Variants in SSPN observed in about 807,000 individuals in gnomAD.
SSPN encodes the protein sarcospan.
SSPN carries 15 observed loss-of-function variants against 19.1 expected under a neutral mutation model. The observed-to-expected ratio is 0.78, with a 90% CI of 0.52 to 1.21. The LOEUF is 1.21. SSPN is among the 50% of genes most tolerant of loss of function. SSPN has a pLI of 0.00. For synonymous variants in SSPN, 147 were observed against 140.3 expected (o/e 1.05, Z -0.34); for missense variants, 291 against 314.0 (o/e 0.93, Z 0.55).
intron 1 of SSPN, among the ~76,000 whole-genome samples, chr12:26,171,950 A>T (rs944793743): frequency 6.6e-6 from 1 of 152,124 alleles, no homozygotes. Flanking sequence ...AAACATGCCA[A>T]CCTTAATTTT....
chr12:26,161,950 C>CT (rs1202547753), intron 1 of SSPN, among the ~76,000 whole-genome samples: 3 of 152,192 alleles, frequency 2.0e-5, no homozygotes, highest in African/African-American at 7.2e-5. Context: ...GGCCCAGTTC[C>CT]TAACTGGCCA....
chr12:26,207,567 AC>A (rs1944941813), intron 1 of SSPN, among the ~76,000 whole-genome samples: 1 of 152,178 alleles, frequency 6.6e-6, no homozygotes. Flanking sequence ...TATATCCATA[AC>A]CAACATGTCA....
At chr12:26,132,207 T>C (rs1467588889) in intron 1 of SSPN, among the ~76,000 whole-genome samples, 1 of 152,196 alleles carries the variant, frequency 6.6e-6, no homozygotes, top group Non-Finnish European at 1.5e-5. Flanking sequence ...GTTAGCTCAC[T>C]GAATAAAGCT....
chr12:26,178,715 C>T (rs557955738), intron 1 of SSPN, among the ~76,000 whole-genome samples: 5 of 152,264 alleles, frequency 3.3e-5, no homozygotes, highest in Admixed American at 1.3e-4. Context: ...TTGGATATGC[C>T]CTTGTGGTCA....
At chr12:26,135,516 C>T (rs1026430695) in intron 1 of SSPN, among the ~76,000 whole-genome samples, 1 of 152,014 alleles carries the variant, frequency 6.6e-6, no homozygotes, top group South Asian at 2.1e-4. Context: ...GGATGCGCTA[C>T]GAATGTGGAG....
intron 1 of SSPN, among the ~76,000 whole-genome samples, chr12:26,141,634 G>C (rs1435094726): frequency 6.6e-6 from 1 of 152,048 alleles, no homozygotes; most frequent in African/African-American, 2.4e-5. Flanking sequence ...TTTTTACTCT[G>C]TGCTTTATTT....
rs2137524253 is a variant in SSPN, at chr12:26,231,299, GATATTAA to G, written c.*225_*231del. ...AAAGCAAGATCCAAATTGATTTTGG[GATATTAA>G]AAGTTAACAGAACACTGAACAAGGA... On this transcript the variant is annotated 3_prime_UTR_variant, in exon 3 of 3. Coordinates refer to ENST00000242729, the MANE Select transcript of SSPN (RefSeq NM_005086.5). 1 of 616,838 alleles carries G rather than the reference GATATTAA, an allele frequency of 1.6e-6. No homozygotes were observed. Among genetic ancestry groups the G allele is most frequent in the African/African-American group, 1.9e-5 (1 of 53,390 alleles). The allele number at this position is 616,838 out of a possible 1,614,324, so 38.2% of individuals were successfully genotyped here. A position where few individuals can be genotyped will look rare whatever the true frequency, so the allele number is the denominator to read the frequency against.
chr12:26,122,925 C>T, intron 1 of SSPN: 1 of 1,550,948 alleles, frequency 6.4e-7, no homozygotes, highest in Non-Finnish European at 8.7e-7. Context: ...GGCCGCGGAC[C>T]CGGCGGCCGA....
At chr12:26,205,713 C>T (rs1370819073) in intron 1 of SSPN, among the ~76,000 whole-genome samples, 3 of 152,182 alleles carry the variant, frequency 2.0e-5, no homozygotes, top group Non-Finnish European at 4.4e-5. Context: ...AGAGGGCAAA[C>T]TCGGACTCCC....
At chr12:26,130,220 AC>A (rs1246929310) in intron 1 of SSPN, among the ~76,000 whole-genome samples, 1 of 152,150 alleles carries the variant, frequency 6.6e-6, no homozygotes, top group Middle Eastern at 3.2e-3. Context: ...TTCCTTTGTT[AC>A]TGCTGATGAA....
chr12:26,208,020 G>T lies in SSPN; in HGVS notation c.279+12069G>T, dbSNP rs926977637. On this transcript the variant is annotated intron_variant, in intron 1 of 2. Coordinates refer to ENST00000242729, the MANE Select transcript of SSPN (RefSeq NM_005086.5). Reference sequence around the variant, plus strand: ...GTCTCAAAAGAAAGTGGTGGTGGTGGGGGGGGGGGATATATAACAGTTAAT... The same window carrying T: ...GTCTCAAAAGAAAGTGGTGGTGGTGTGGGGGGGGGATATATAACAGTTAAT... Among the ~76,000 whole-genome samples, 59 of 43,374 alleles carry T rather than the reference G, an allele frequency of 1.4e-3. 1 individual carries two copies. The highest frequency in any genetic ancestry group is 5.1e-3 in the African/African-American group (57 of 11,104). The allele number at this position is 43,374 out of a possible 152,430, so 28.5% of individuals were successfully genotyped here.
Position 26,232,729 on chromosome 12 carries a change from T to TA in SSPN, c.*1657dup, listed in dbSNP as rs966478434. 84 of 983,730 alleles carry TA rather than the reference T, an allele frequency of 8.5e-5. No individual in the cohort carries two copies. The highest frequency in any genetic ancestry group is 9.7e-5 in the Non-Finnish European group (80 of 828,516). The allele number at this position is 983,730 out of a possible 1,614,324, so 60.9% of individuals were successfully genotyped here. ...GTAAATATCTTTTATGTCCTCTAGA[T>TA]AAAACACCCGATTAACAGATGTTAA... On this transcript the variant is annotated 3_prime_UTR_variant, in exon 3 of 3. Coordinates refer to ENST00000242729, the MANE Select transcript of SSPN (RefSeq NM_005086.5).
intron 1 of SSPN, among the ~76,000 whole-genome samples, chr12:26,170,345 G>A (rs546321286): frequency 3.3e-5 from 5 of 152,218 alleles, no homozygotes; most frequent in Non-Finnish European, 2.9e-5. Context: ...AGAATAAAGC[G>A]GAACTAAGAA....
rs34624361 is a variant in SSPN, at chr12:26,224,299, T to C, written c.286T>C (p.Leu96=). The C allele has an allele frequency of 0.074, 119,759 of 1,612,222 alleles. 4,744 individuals carry two copies. The highest frequency in any genetic ancestry group is 0.099 in the African/African-American group (7,424 of 75,002). The change falls in exon 2 of 3, where the codon TTA becomes CTA. Residue 96 remains leucine (L), a synonymous_variant. Transcript: ENST00000242729. ...TCTGTGTTCTCCCTTGCAGGTCTGC[T>C]TAGTGGCCTATCTTGGCTTGTTTAT... ...TPFWAGIIVC[L]VAYLGLFMLC...
rs536380709 is a variant in SSPN at position 26,230,362 on chromosome 12, C to T, written c.367-349C>T. On this transcript the variant is annotated intron_variant, in intron 2 of 2. Transcript: ENST00000242729. ...CAGAAGTTCTTGAGTTCAAAATAAG[C>T]ACAACATGTCATCCAGGGATGGCTA... Among the ~76,000 whole-genome samples, 16 of 152,284 alleles carry T rather than the reference C, an allele frequency of 1.1e-4. No homozygotes were observed. The South Asian group carries it at 3.1e-3, about 30-fold the overall frequency.
chr12:26,196,382 G>C (rs1334963926), intron 1 of SSPN, among the ~76,000 whole-genome samples: 1 of 152,206 alleles, frequency 6.6e-6, no homozygotes. Flanking sequence ...GAGAAAGCCT[G>C]TACTTGGAGT....
chr12:26,230,506 T>A (rs1945218454), intron 2 of SSPN, among the ~76,000 whole-genome samples: 1 of 152,152 alleles, frequency 6.6e-6, no homozygotes, highest in African/African-American at 2.4e-5. Flanking sequence ...CAAGTGAAAA[T>A]GTGATCAGGG....
Position 26,230,787 on chromosome 12 carries a change from C to A in SSPN, c.443C>A (p.Ser148Ter). The A allele has an allele frequency of 1.2e-6, 2 of 1,614,216 alleles. No homozygotes were observed. The highest frequency in any genetic ancestry group is 1.7e-6 in the Non-Finnish European group (2 of 1,180,052). The change falls in exon 3 of 3, where the codon TCG becomes TAG. Residue 148 changes from serine to a stop codon, truncating the protein, a stop_gained. Coordinates refer to ENST00000242729, the MANE Select transcript of SSPN (RefSeq NM_005086.5). LOFTEE classifies it high-confidence loss of function. ...GTGGCCTTTGCCGCCCACCACTATT[C>A]GCAGCTCACACAGTTTACCTGTGAG... ...LAVAFAAHHY[S>*]QLTQFTCETT...
rs1313733621 is a variant in SSPN at position 26,124,709 on chromosome 12, G to T, written c.-31+2557G>T. On this transcript the variant is annotated intron_variant, in intron 1 of 2. Coordinates refer to the SSPN transcript ENST00000538142. ...TAGACAGATATTCGCAAGGGTGCGT[G>T]CACCTTACCCTATAAAATCTCTATG... 5.0e-6 allele frequency: 8 copies of T among 1,613,466 alleles called. No homozygotes were observed. The Admixed American group carries it at 8.3e-5, about 17-fold the overall frequency.
Sources: gnomAD v4.1 joint callset for allele counts (sites outside exome capture counted in the v4.1 genomes callset) on GRCh38, gnomAD v4.1.1 for gene constraint, MANE v1.5 for transcripts, NCBI Gene and HGNC (gene_info 2026-07-23, HGNC 2026-07-21) for gene names.